DLG2: variants seen among roughly 807,000 people sequenced by gnomAD.
The protein encoded by DLG2 is discs large MAGUK scaffold protein 2, also known as disks large homolog 2.
A neutral mutation model predicts 132.5 loss-of-function variants in DLG2; 45 were observed. The ratio of observed to expected loss-of-function variants is 0.34; its 90% CI spans 0.27 to 0.44. The LOEUF (loss-of-function observed/expected upper bound fraction) is 0.44. Ranked by LOEUF, DLG2 falls within the 20% of genes least tolerant of loss-of-function variation. The probability of loss-of-function intolerance (pLI) is 1.00; values close to 1 mark genes in which losing one functional copy is unlikely to be tolerated. For synonymous variants in DLG2, 424 were observed against 419.6 expected, an observed-to-expected ratio of 1.01 and a Z score of -0.13; for missense variants, 1,045 against 1,196.9, an observed-to-expected ratio of 0.87 and a Z score of 1.87.
At chr11:85,322,242 C>T (rs1044115935) in intron 3 of DLG2, among the ~76,000 whole-genome samples, 3 of 152,060 alleles carry the variant, frequency 2.0e-5, no homozygotes, top group African/African-American at 7.2e-5. Context: ...AAGCCCCTTT[C>T]CGTGTAAATT....
chr11:83,689,953 ATT>A (rs939759230), intron 18 of DLG2, among the ~76,000 whole-genome samples: 2 of 136,650 alleles, frequency 1.5e-5, no homozygotes, highest in Admixed American at 7.4e-5. Flanking sequence ...TATTATATAT[ATT>A]TATATAATAT....
intron 6 of DLG2, among the ~76,000 whole-genome samples, chr11:84,936,199 A>G (rs1282500528): frequency 6.6e-6 from 1 of 152,210 alleles, no homozygotes; most frequent in African/African-American, 2.4e-5. Context: ...AACTAGATAT[A>G]TCTCTGAATA....
rs554774472 is a variant in DLG2 at position 85,411,518 on chromosome 11, A to G, written c.41-126153T>C. ...GTTGTTGAAATATTAGGCTTGCAGC[A>G]TAGCAGTTTTGATACCACTAATTTC... On this transcript the variant is annotated intron_variant, in intron 3 of 27. Coordinates refer to ENST00000376104, the MANE Select transcript of DLG2 (RefSeq NM_001142699.3). Among the ~76,000 whole-genome samples the G allele has an allele frequency of 1.1e-3, 169 of 152,024 alleles. 1 individual carries two copies. The highest frequency in any genetic ancestry group is 6.8e-3 in the Middle Eastern group (2 of 294).
chr11:84,542,568 T>C (rs536622397), intron 6 of DLG2, among the ~76,000 whole-genome samples: 8 of 152,306 alleles, frequency 5.3e-5, no homozygotes, highest in African/African-American at 1.4e-4. Context: ...TGTTGACTGA[T>C]TGAGTGCTGC....
At chr11:84,735,804 A>G (rs1294585640) in intron 6 of DLG2, among the ~76,000 whole-genome samples, 1 of 151,512 alleles carries the variant, frequency 6.6e-6, no homozygotes, top group African/African-American at 2.4e-5. Context: ...ACACACTGCT[A>G]GATTCAAACC....
chr11:83,762,726 G>T lies in DLG2; in HGVS notation c.1825+23964C>A, dbSNP rs562626748. Among the ~76,000 whole-genome samples the T allele has an allele frequency of 2.0e-5, 3 of 152,106 alleles. No individual in the cohort carries two copies. In the East Asian group the frequency reaches 5.8e-4, roughly 30 times the overall value. ...CTACTCAACAGCTGGGACTACAGGC[G>T]CATGCCGCCACGCCTGGCTAATTTT... On this transcript the variant is annotated intron_variant, in intron 18 of 27. Transcript: ENST00000376104.
At chr11:84,211,982 CTCAGTGCATTGCAT>C (rs1290807827) in intron 8 of DLG2, among the ~76,000 whole-genome samples, 1 of 152,132 alleles carries the variant, frequency 6.6e-6, no homozygotes, top group Non-Finnish European at 1.5e-5. Context: ...GCTGGAAAGG[CTCAGTGCATTGCAT>C]ATAAACAGTT....
chr11:83,550,604 C>A (rs1205107136), intron 19 of DLG2, among the ~76,000 whole-genome samples: 1 of 152,122 alleles, frequency 6.6e-6, no homozygotes, highest in South Asian at 2.1e-4. Flanking sequence ...GGTTTCAGGG[C>A]TGGGTGAAGC....
chr11:83,471,091 T>C (rs552107327), intron 24 of DLG2, among the ~76,000 whole-genome samples: 43 of 152,106 alleles, frequency 2.8e-4, no homozygotes, highest in African/African-American at 1.0e-3. Context: ...AAGAAAGTAG[T>C]TTAAAGTCTG....
chr11:85,018,514 G>A (rs960214434), intron 6 of DLG2, among the ~76,000 whole-genome samples: 2 of 152,088 alleles, frequency 1.3e-5, no homozygotes, highest in East Asian at 3.9e-4. Flanking sequence ...TCAAAGATTC[G>A]TGTGATCTTT....
chr11:84,439,698 G>A (rs1004638351), intron 7 of DLG2, among the ~76,000 whole-genome samples: 9 of 152,134 alleles, frequency 5.9e-5, no homozygotes, highest in Non-Finnish European at 1.3e-4. Context: ...CTCTAATATT[G>A]CTGTGATGTA....
intron 6 of DLG2, among the ~76,000 whole-genome samples, chr11:84,957,012 T>C (rs941276940): frequency 3.9e-5 from 6 of 152,224 alleles, no homozygotes; most frequent in African/African-American, 1.4e-4. Flanking sequence ...AAATGCATTG[T>C]AATTCAACAT....
chr11:85,014,705 G>A (rs2252376), intron 6 of DLG2, among the ~76,000 whole-genome samples: 3 of 152,028 alleles, frequency 2.0e-5, no homozygotes, highest in Non-Finnish European at 4.4e-5. Flanking sequence ...AGCCCCACCC[G>A]GACCTAACAC....
intron 7 of DLG2, among the ~76,000 whole-genome samples, chr11:84,507,308 A>G (rs1446427942): frequency 6.6e-6 from 1 of 152,214 alleles, no homozygotes; most frequent in Admixed American, 6.5e-5. Flanking sequence ...TAAAATATAA[A>G]TAAATAATGT....
At chr11:84,895,185 C>T (rs12269784) in intron 6 of DLG2, among the ~76,000 whole-genome samples, 14,662 of 151,776 alleles carry the variant, frequency 0.097, 920 homozygotes, top group African/African-American at 0.18. Context: ...TTAAACATAA[C>T]AGAATTTAAA....
At chr11:84,236,899 T>C (rs1284745242) in intron 8 of DLG2, among the ~76,000 whole-genome samples, 1 of 152,074 alleles carries the variant, frequency 6.6e-6, no homozygotes, top group Non-Finnish European at 1.5e-5. Context: ...GGAATCTTTA[T>C]TCCTGGGGTT....
At chr11:84,640,090 C>T (rs1288027118) in intron 6 of DLG2, 2 of 309,180 alleles carry the variant, frequency 6.5e-6, no homozygotes, top group Non-Finnish European at 1.2e-5. Context: ...CCCAGAGGAA[C>T]CCTGTGAAGG....
chr11:85,622,729 T>C (rs2081806132), intron 2 of DLG2, among the ~76,000 whole-genome samples: 2 of 152,052 alleles, frequency 1.3e-5, no homozygotes, highest in South Asian at 4.1e-4. Context: ...AATCTCAGTT[T>C]CAAGGGTGCC....
At chr11:84,138,823 C>T (rs2094712885) in intron 9 of DLG2, among the ~76,000 whole-genome samples, 1 of 151,960 alleles carries the variant, frequency 6.6e-6, no homozygotes, top group African/African-American at 2.4e-5. Flanking sequence ...GTGGCACATG[C>T]CTGTAATCCC....
Sources: allele counts gnomAD v4.1 joint callset (sites outside exome capture counted in the v4.1 genomes callset), GRCh38; gene constraint gnomAD v4.1.1; transcripts MANE v1.5; gene names NCBI Gene and HGNC (gene_info 2026-07-23, HGNC 2026-07-21).